NOMO1: variants seen among roughly 807,000 people sequenced by gnomAD.
NOMO1 encodes the protein NODAL modulator 1.
A neutral mutation model predicts 133.8 loss-of-function variants in NOMO1; 40 were observed. That is an observed-to-expected ratio of 0.30 (90% CI 0.23 to 0.39). The LOEUF (loss-of-function observed/expected upper bound fraction) is 0.39. Ranked by LOEUF, NOMO1 falls within the 10% of genes least tolerant of loss-of-function variation. NOMO1 has a pLI of 1.00. For synonymous variants in NOMO1, 236 were observed against 570.5 expected, an observed-to-expected ratio of 0.41 and a Z score of 8.36; for missense variants, 462 against 1,419.9, an observed-to-expected ratio of 0.33 and a Z score of 10.84.
Position 14,873,565 on chromosome 16 carries a change from G to T in NOMO1, c.2054+1236G>T, listed in dbSNP as rs922860262. On this transcript the variant is annotated intron_variant, in intron 18 of 30. Transcript: ENST00000287667. ...GTTTTTAGCTGGGGGTGGATTTGCCGAAGGTCTGTTGCTGTCTTTTACTAT... is the reference window on the plus strand; with the variant it reads ...GTTTTTAGCTGGGGGTGGATTTGCCTAAGGTCTGTTGCTGTCTTTTACTAT... Among the ~76,000 whole-genome samples, 3 of 149,616 alleles carry T rather than the reference G, an allele frequency of 2.0e-5. No individual in the cohort carries two copies. In the South Asian group the frequency reaches 6.4e-4, roughly 32 times the overall value.
chr16:14,846,664 G>A lies in NOMO1; in HGVS notation c.490G>A (p.Val164Ile), dbSNP rs535654815. The change falls in exon 5 of 31, where the codon GTT becomes ATT. Residue 164 changes from valine to isoleucine, a missense_variant. Physicochemically the swap from Val to Ile is conservative, Grantham distance 29. Coordinates refer to ENST00000287667, the MANE Select transcript of NOMO1 (RefSeq NM_014287.4). ...TGTEAKIQST[V>I]TQPGGKFAFF... ...GACCGAAGCAAAGATCCAGTCCACA[G>A]TTACACAGCCTGGCGGAAAGTGAGT... 398 of 1,280,708 alleles carry A rather than the reference G, an allele frequency of 3.1e-4. 8 individuals are homozygous for A. In the South Asian group the frequency reaches 5.0e-3, roughly 16 times the overall value. The allele number at this position is 1,280,708 out of a possible 1,614,324, so 79.3% of individuals were successfully genotyped here.
At chr16:14,861,689 T>C (rs1597101260) in intron 11 of NOMO1, among the ~76,000 whole-genome samples, 1 of 150,946 alleles carries the variant, frequency 6.6e-6, no homozygotes, top group African/African-American at 2.4e-5. Flanking sequence ...ATAACTATTT[T>C]AGGCTGCGTG....
chr16:14,840,525 T>G (rs1327260737), intron 2 of NOMO1, among the ~76,000 whole-genome samples: 1 of 128,758 alleles, frequency 7.8e-6, no homozygotes, highest in African/African-American at 3.0e-5. Context: ...AGACGGAGGT[T>G]GCAGTGAGCC....
chr16:14,839,476 A>G (rs1963572803), intron 2 of NOMO1, among the ~76,000 whole-genome samples: 1 of 152,056 alleles, frequency 6.6e-6, no homozygotes, highest in Non-Finnish European at 1.5e-5. Flanking sequence ...ATGCACATCG[A>G]TATGTATCCA....
In NOMO1 at chr16:14,878,671, ATAGT is replaced by A. The variant is rs765421134; in HGVS notation, c.2644-45_2644-42del. On this transcript the variant is annotated intron_variant, in intron 22 of 30. Transcript: ENST00000287667. ...CTTGACTTGTGGAACTGTTATTTTC[ATAGT>A]TAGTAGGAGTTTAACCTTGCTCTGG... 5.8e-5 allele frequency: 88 copies of A among 1,528,982 alleles called. No individual in the cohort carries two copies. In the African/African-American group the frequency reaches 1.1e-3, roughly 19 times the overall value. The allele number at this position is 1,528,982 out of a possible 1,614,324, so 94.7% of individuals were successfully genotyped here.
intron 26 of NOMO1, among the ~76,000 whole-genome samples, chr16:14,884,142 A>G (rs950562819): frequency 1.3e-5 from 2 of 151,698 alleles, no homozygotes; most frequent in African/African-American, 4.9e-5. Flanking sequence ...AAGTAATTCA[A>G]ACGTAGAAAA....
rs1597105225 is a variant in NOMO1 at position 14,868,207 on chromosome 16, G to A, written c.1807-341G>A. ...CTTTCCTGTTTATTTTCACAGCTTCGTTACTGACCAGTTGAGATCACTAAT... is the reference window on the plus strand; with the variant it reads ...CTTTCCTGTTTATTTTCACAGCTTCATTACTGACCAGTTGAGATCACTAAT... On this transcript the variant is annotated intron_variant, in intron 15 of 30. Transcript: ENST00000287667. Among the ~76,000 whole-genome samples the A allele has an allele frequency of 2.2e-5, 3 of 137,180 alleles. 1 individual carries two copies. The allele number at this position is 137,180 out of a possible 152,430, so 90.0% of individuals were successfully genotyped here.
chr16:14,867,176 A>ATTTTTTTTTT lies in NOMO1; in HGVS notation c.1806+505_1806+514dup, dbSNP rs1174703237. ...TATATATATATATATATATATATAT[A>ATTTTTTTTTT]TTTTTTTTTTTTTTTTTTTTTTTTT... On this transcript the variant is annotated intron_variant, in intron 15 of 30. Coordinates refer to ENST00000287667, the MANE Select transcript of NOMO1 (RefSeq NM_014287.4). Among the ~76,000 whole-genome samples, 18 of 7,476 alleles carry ATTTTTTTTTT rather than the reference A, an allele frequency of 2.4e-3. 2 individuals are homozygous for ATTTTTTTTTT. Among genetic ancestry groups the ATTTTTTTTTT allele is most frequent in the East Asian group, 5.1e-3 (2 of 394 alleles). The allele number at this position is 7,476 out of a possible 152,430, so 4.9% of individuals were successfully genotyped here. A position where few individuals can be genotyped will look rare whatever the true frequency, so the allele number is the denominator to read the frequency against.
In NOMO1 at chr16:14,856,580, T is replaced by C. The variant is rs550600821; in HGVS notation, c.964-637T>C. On this transcript the variant is annotated intron_variant, in intron 9 of 30. Transcript: ENST00000287667. ...GCGCCTGCCACCACACCTGGCTAAT[T>C]TTTGTATTTTTAGTGGAGACAGGGC... Among the ~76,000 whole-genome samples, 289 of 151,614 alleles carry C rather than the reference T, an allele frequency of 1.9e-3. 5 individuals are homozygous for C. The highest frequency in any genetic ancestry group is 5.0e-3 in the African/African-American group (205 of 41,230).
intron 11 of NOMO1, among the ~76,000 whole-genome samples, chr16:14,859,888 A>G (rs1235692639): frequency 6.6e-6 from 1 of 152,056 alleles, no homozygotes; most frequent in Non-Finnish European, 1.5e-5. Context: ...AAAGACTAAA[A>G]GTTAGCTAAA....
intron 1 of NOMO1, among the ~76,000 whole-genome samples, chr16:14,837,805 C>T (rs1963541545): frequency 8.7e-6 from 1 of 114,416 alleles, no homozygotes; most frequent in African/African-American, 3.3e-5. Flanking sequence ...GGCTGGAGTG[C>T]TGTGGCATGA....
At chr16:14,868,088 TC>T (rs1352144081) in intron 15 of NOMO1, among the ~76,000 whole-genome samples, 1 of 62,146 alleles carries the variant, frequency 1.6e-5, no homozygotes, top group Non-Finnish European at 3.3e-5. Context: ...TGTTGGTTTT[TC>T]CTCCTCATTC....
chr16:14,867,002 C>T (rs886830845), intron 15 of NOMO1, among the ~76,000 whole-genome samples: 2 of 146,774 alleles, frequency 1.4e-5, no homozygotes, highest in African/African-American at 5.2e-5. Flanking sequence ...TGGGTAAATT[C>T]GTTTACTGCT....
chr16:14,856,604 G>T (rs1359537249), intron 9 of NOMO1, among the ~76,000 whole-genome samples: 2 of 151,880 alleles, frequency 1.3e-5, no homozygotes, highest in Non-Finnish European at 2.9e-5. Context: ...TGGAGACAGG[G>T]CTTCACCATG....
chr16:14,892,467 AAGC>A (rs1451447780), intron 29 of NOMO1, among the ~76,000 whole-genome samples: 1 of 149,538 alleles, frequency 6.7e-6, no homozygotes, highest in Non-Finnish European at 1.5e-5. Context: ...GGTGGTGGCC[AAGC>A]AGCCCAGCCT....
intron 26 of NOMO1, 73 bp downstream of exon 26, chr16:14,882,750 G>T (rs1964263132): frequency 5.6e-6 from 9 of 1,609,992 alleles, no homozygotes; most frequent in Admixed American, 1.7e-5. Flanking sequence ...CGTCTCCTCT[G>T]GCTGTCTGCC....
chr16:14,889,035 G>A (rs1296944032), intron 28 of NOMO1, 61 bp from the exon 29 acceptor site: 1 of 1,611,436 alleles, frequency 6.2e-7, no homozygotes, highest in African/African-American at 1.3e-5. Flanking sequence ...TTAGGTTTTA[G>A]TTTTCATTTG....
chr16:14,886,735 A>G, intron 27 of NOMO1, 26 bp from the exon 28 acceptor site: 1 of 1,610,734 alleles, frequency 6.2e-7, no homozygotes, highest in African/African-American at 1.3e-5. Context: ...GTTTCAAAGC[A>G]TGTCTGACTT....
chr16:14,866,695 T>C lies in NOMO1; in HGVS notation c.1806+4T>C. 6.2e-7 allele frequency: 1 copy of C among 1,610,076 alleles called. No homozygotes were observed. The highest frequency in any genetic ancestry group is 8.5e-7 in the Non-Finnish European group (1 of 1,179,702). Reference sequence around the variant, plus strand: ...CCTGTCTCACGCCATCACTCTGGTATGTACGGCTTATTGAGTCTCTTATTT... The same window carrying C: ...CCTGTCTCACGCCATCACTCTGGTACGTACGGCTTATTGAGTCTCTTATTT... On this transcript the variant is annotated splice_donor_region_variant and intron_variant, in intron 15 of 30. Transcript: ENST00000287667.
Sources: allele counts gnomAD v4.1 joint callset (sites outside exome capture counted in the v4.1 genomes callset), GRCh38; gene constraint gnomAD v4.1.1; transcripts MANE v1.5; gene names NCBI Gene and HGNC (gene_info 2026-07-23, HGNC 2026-07-21).